The following GSTA4 variants were observed in gnomAD, a reference collection of about 807,000 sequenced individuals.
GSTA4 encodes the protein glutathione S-transferase A4.
A neutral mutation model predicts 24.4 loss-of-function variants in GSTA4; 15 were observed. The ratio of observed to expected loss-of-function variants is 0.61; its 90% confidence interval spans 0.41 to 0.95. GSTA4 has a LOEUF of 0.95. Ranked by LOEUF, GSTA4 falls within the 40% of genes least tolerant of loss-of-function variation. The probability of loss-of-function intolerance (pLI) is 0.00; values close to 1 mark genes in which losing one functional copy is unlikely to be tolerated. For synonymous variants in GSTA4, 92 were observed against 94.2 expected (o/e 0.98, Z 0.13); for missense variants, 244 against 262.1 (o/e 0.93, Z 0.48).
intron 3 of GSTA4, 88 bp from the exon 4 acceptor site, chr6:52,985,671 G>A: frequency 7.7e-7 from 1 of 1,291,390 alleles, no homozygotes; most frequent in Non-Finnish European, 1.1e-6. Flanking sequence ...AAAAGAAACG[G>A]TGGAATCATG....
intron 5 of GSTA4, among the ~76,000 whole-genome samples, chr6:52,984,071 G>A (rs654144): frequency 0.93 from 140,894 of 152,122 alleles, 65,299 homozygotes; most frequent in East Asian, 1. Context: ...TACTCATATC[G>A]AATTATCAGG....
chr6:52,981,138 A>G (rs893110770), intron 6 of GSTA4, among the ~76,000 whole-genome samples: 5 of 152,252 alleles, frequency 3.3e-5, no homozygotes, highest in Non-Finnish European at 5.9e-5. Flanking sequence ...ATAAACTATA[A>G]CATAAATGAT....
intron 6 of GSTA4, among the ~76,000 whole-genome samples, chr6:52,980,381 T>A (rs941535105): frequency 2.0e-5 from 3 of 151,874 alleles, no homozygotes; most frequent in Non-Finnish European, 4.4e-5. Context: ...CTCGGCTCAC[T>A]GCAACCTCCA....
Position 52,990,054 on chromosome 6 carries a change from T to C in GSTA4, c.88-2646A>G, listed in dbSNP as rs1325236550. ...ATGCAGGGACAAGGTGCTCAACTGA[T>C]GCTCCCAGTTAATGGTAGAAATGGT... On this transcript the variant is annotated intron_variant, in intron 2 of 6. Transcript: ENST00000370963. Among the ~76,000 whole-genome samples, 4 of 152,236 alleles carry C rather than the reference T, an allele frequency of 2.6e-5. No homozygotes were observed. The South Asian group carries it at 8.3e-4, about 32-fold the overall frequency.
chr6:52,991,894 C>T (rs534356013), intron 2 of GSTA4, among the ~76,000 whole-genome samples: 2 of 151,506 alleles, frequency 1.3e-5, no homozygotes, highest in African/African-American at 2.4e-5. Flanking sequence ...GTAGCTGGGA[C>T]GACAGGCACA....
At chr6:52,987,606 T>C (rs1453774647) in intron 2 of GSTA4, 198 bp from the exon 3 acceptor site, 6 of 509,740 alleles carry the variant, frequency 1.2e-5, no homozygotes, top group Non-Finnish European at 2.1e-5. Context: ...CTCATGGAAA[T>C]AGAAAGTTGA....
chr6:52,983,558 C>T (rs1313411809), intron 5 of GSTA4, among the ~76,000 whole-genome samples: 5 of 152,186 alleles, frequency 3.3e-5, no homozygotes, highest in Non-Finnish European at 7.3e-5. Context: ...GGCCATGTTA[C>T]CTTGGACAGG....
intron 2 of GSTA4, among the ~76,000 whole-genome samples, chr6:52,992,707 T>G (rs905414290): frequency 6.6e-6 from 1 of 152,204 alleles, no homozygotes; most frequent in Non-Finnish European, 1.5e-5. Context: ...ACCGTCAAGA[T>G]GGTAAAATGA....
chr6:52,993,040 T>G (rs1204508563), intron 2 of GSTA4, among the ~76,000 whole-genome samples: 4 of 151,260 alleles, frequency 2.6e-5, no homozygotes, highest in Non-Finnish European at 5.9e-5. Flanking sequence ...GAGGCGGAGG[T>G]TGCAGTGAGC....
At chr6:52,978,679 A>G (rs375887) in intron 6 of GSTA4, 87 bp from the exon 7 acceptor site, 477,788 of 879,354 alleles carry the variant, frequency 0.54, 131,323 homozygotes, top group East Asian at 0.77. Flanking sequence ...GCCCACCAAA[A>G]TTTGTTCAAT....
intron 1 of GSTA4, 40 bp from the exon 2 acceptor site, chr6:52,994,301 C>G: frequency 1.8e-6 from 2 of 1,115,702 alleles, no homozygotes; most frequent in Non-Finnish European, 2.7e-6. Flanking sequence ...GACCAACAGT[C>G]CCAATTTCGC....
Position 52,978,493 on chromosome 6 carries a change from C to T in GSTA4, c.646G>A (p.Val216Ile), listed in dbSNP as rs774014743. ...PPPDEIYVRT[V>I]YNIFRP ...TTTTATGGCCTAAAGATGTTGTAGA[C>T]GGTTCTCACATAAATTTCATCAGGG... Residue 216 changes from valine to isoleucine, a missense_variant, in exon 7 of 7, where the codon GTC (valine) becomes ATC (isoleucine). Physicochemically the swap from Val to Ile is conservative, Grantham distance 29 (BLOSUM62 3). Transcript: ENST00000370963. 26 of 1,613,216 alleles carry T rather than the reference C, an allele frequency of 1.6e-5. No individual in the cohort carries two copies. Among genetic ancestry groups the T allele is most frequent in the East Asian group, 4.5e-5 (2 of 44,874 alleles).
At chr6:52,991,661 G>T (rs1763662932) in intron 2 of GSTA4, among the ~76,000 whole-genome samples, 1 of 151,460 alleles carries the variant, frequency 6.6e-6, no homozygotes, top group Admixed American at 6.6e-5. Flanking sequence ...ACCAAATCCA[G>T]AATAGGGAAA....
chr6:52,990,588 A>G (rs544997343), intron 2 of GSTA4, among the ~76,000 whole-genome samples: 3 of 152,198 alleles, frequency 2.0e-5, no homozygotes, highest in Non-Finnish European at 2.9e-5. Context: ...TGTTTAACTT[A>G]TTTAGGGTTG....
intron 2 of GSTA4, among the ~76,000 whole-genome samples, chr6:52,991,336 T>G (rs1763657571): frequency 6.6e-6 from 1 of 152,084 alleles, no homozygotes; most frequent in Admixed American, 6.5e-5. Flanking sequence ...AACCACAAGT[T>G]GAAAAGAATA....
At chr6:52,978,686 C>CA in intron 6 of GSTA4, 94 bp from the exon 7 acceptor site, 1 of 760,074 alleles carries the variant, frequency 1.3e-6, no homozygotes, top group South Asian at 1.8e-5. Flanking sequence ...AAAATTTGTT[C>CA]AATAAATACT....
intron 2 of GSTA4, chr6:52,988,012 A>C (rs1763595231): frequency 2.0e-5 from 3 of 152,260 alleles, no homozygotes; most frequent in African/African-American, 4.8e-5. Context: ...AAACAGTCTT[A>C]AGAAGCAGAG....
chr6:52,982,109 A>G (rs1165173301), intron 6 of GSTA4, among the ~76,000 whole-genome samples: 1 of 152,216 alleles, frequency 6.6e-6, no homozygotes, highest in Non-Finnish European at 1.5e-5. Flanking sequence ...ATCAGTAGAT[A>G]CATGTGAGTG....
Position 52,985,485 on chromosome 6 carries a change from T to C in GSTA4, c.238A>G (p.Asn80Asp). 1 of 1,614,124 alleles carries C rather than the reference T, an allele frequency of 6.2e-7. No individual in the cohort carries two copies. Among genetic ancestry groups the C allele is most frequent in the South Asian group, 1.1e-5 (1 of 91,074 alleles). ...TCCTTGAGGTTCTTGCCAAAGAGATTGTGCTTGTCTGCTATGTAGTGGAGA... is the reference window on the plus strand; with the variant it reads ...TCCTTGAGGTTCTTGCCAAAGAGATCGTGCTTGTCTGCTATGTAGTGGAGA... ...SILHYIADKH[N>D]LFGKNLKERT... The change falls in exon 4 of 7, where the codon AAT becomes GAT. Residue 80 changes from asparagine to aspartate, a missense_variant. By Grantham distance (23) the Asn-to-Asp change is conservative. Coordinates refer to ENST00000370963, the MANE Select transcript of GSTA4 (RefSeq NM_001512.4).
Sources: allele counts gnomAD v4.1 joint callset (sites outside exome capture counted in the v4.1 genomes callset), GRCh38; gene constraint gnomAD v4.1.1; transcripts MANE v1.5; gene names NCBI Gene and HGNC (gene_info 2026-07-23, HGNC 2026-07-21).